Variants in ACER3 observed in about 807,000 individuals in gnomAD.
ACER3 encodes alkCDase 3.
In ACER3, 16 loss-of-function variants were observed where a neutral mutation model predicts 48.9. That is an observed-to-expected ratio of 0.33 (90% CI 0.22 to 0.50). ACER3 has a LOEUF of 0.50. Ranked by LOEUF, ACER3 falls within the 20% of genes least tolerant of loss-of-function variation. The pLI, the probability that ACER3 is intolerant of heterozygous loss-of-function variation, is 0.98. For missense variants in ACER3, 227 were observed against 326.0 expected, an observed-to-expected ratio of 0.70 and a Z score of 2.34; for synonymous variants, 109 against 107.8, an observed-to-expected ratio of 1.01 and a Z score of -0.07.
At chr11:76,986,684 A>G (rs899791614) in intron 5 of ACER3, among the ~76,000 whole-genome samples, 1 of 152,234 alleles carries the variant, frequency 6.6e-6, no homozygotes, top group African/African-American at 2.4e-5. Context: ...ATTGAAGAGC[A>G]GTGAATGAGT....
chr11:76,925,471 T>C lies in ACER3; in HGVS notation c.104-1086T>C, dbSNP rs7933417. The stretch of plus-strand genomic sequence containing the variant: ...ACCTCTGTCAAATGCCCATTGGCAT[T>C]TTTTCCCCAAAATTTTTTAATTTAT... On this transcript the variant is annotated intron_variant, in intron 1 of 10. Coordinates refer to ENST00000532485, the MANE Select transcript of ACER3 (RefSeq NM_018367.7). Among the ~76,000 whole-genome samples, 933 of 152,356 alleles carry C rather than the reference T, an allele frequency of 6.1e-3. 7 individuals are homozygous for C. Among genetic ancestry groups the C allele is most frequent in the Non-Finnish European group, 8.8e-3 (597 of 68,034 alleles).
rs1288573595 is a variant in ACER3 at position 77,023,696 on chromosome 11, C to T, written c.*3369C>T. 6.5e-6 allele frequency: 1 copy of T among 152,804 alleles called. No individual in the cohort carries two copies. The highest frequency in any genetic ancestry group is 2.4e-5 in the African/African-American group (1 of 41,466). 9.5% of individuals were successfully genotyped at this position (152,804 alleles called of 1,614,324 possible). On this transcript the variant is annotated 3_prime_UTR_variant, in exon 11 of 11. Coordinates refer to ENST00000532485, the MANE Select transcript of ACER3 (RefSeq NM_018367.7). ...CCTACCTCTGTCTTCCATTTTGCATCCTGTCAGTGCTATAATTAGTTTGAT... is the reference window on the plus strand; with the variant it reads ...CCTACCTCTGTCTTCCATTTTGCATTCTGTCAGTGCTATAATTAGTTTGAT...
chr11:76,969,788 C>A (rs1225319588), intron 3 of ACER3, among the ~76,000 whole-genome samples: 1 of 112,950 alleles, frequency 8.9e-6, no homozygotes, highest in Non-Finnish European at 1.7e-5. Context: ...GACACTGGGG[C>A]CTGTTGTGGG....
intron 3 of ACER3, among the ~76,000 whole-genome samples, chr11:76,974,643 T>A (rs1355283305): frequency 1.3e-5 from 2 of 152,068 alleles, no homozygotes; most frequent in Admixed American, 1.3e-4. Flanking sequence ...AGGAGAAGCT[T>A]AAGTAGAGGA....
intron 2 of ACER3, 44 bp from the exon 3 acceptor site, chr11:76,958,935 A>G (rs1233696841): frequency 6.2e-7 from 1 of 1,605,106 alleles, no homozygotes. Flanking sequence ...CTGTCCACGC[A>G]CAAAGAATTT....
chr11:76,864,596 ATTTTTT>A (rs772026324), intron 1 of ACER3, among the ~76,000 whole-genome samples: 1 of 99,926 alleles, frequency 1.0e-5, no homozygotes, highest in Non-Finnish European at 2.0e-5. Context: ...TGGAATGGGT[ATTTTTT>A]TTTTTTTTTT....
rs11428910 is a variant in ACER3 at position 76,936,721 on chromosome 11, C to CTT, written c.214+10067_214+10068dup. Among the ~76,000 whole-genome samples the CTT allele has an allele frequency of 2.4e-3, 346 of 143,332 alleles. 2 individuals carry two copies. Among genetic ancestry groups the CTT allele is most frequent in the African/African-American group, 5.3e-3 (207 of 39,170 alleles). 94.0% of individuals were successfully genotyped at this position (143,332 alleles called of 152,430 possible). A position where few individuals can be genotyped will look rare whatever the true frequency, so the allele number is the denominator to read the frequency against. ...CAATTTTTCTTTTCTTTCTTTCTTT[C>CTT]TTTTTTTTTTTTTTAAGACAGAGTC... On this transcript the variant is annotated intron_variant, in intron 2 of 10. Transcript: ENST00000532485.
Position 76,864,572 on chromosome 11 carries a change from CA to C in ACER3, c.103+3494del, listed in dbSNP as rs531286268. Among the ~76,000 whole-genome samples the C allele has an allele frequency of 1.4e-3, 206 of 146,642 alleles. 2 individuals are homozygous for C. Among genetic ancestry groups the C allele is most frequent in the African/African-American group, 4.9e-3 (196 of 40,402 alleles). On this transcript the variant is annotated intron_variant, in intron 1 of 10. Coordinates refer to ENST00000532485, the MANE Select transcript of ACER3 (RefSeq NM_018367.7). ...TAAAACAGTGCTTGCCTTTTTGTCACATAACTCATAATATGGAATGGGTATT... is the reference window on the plus strand; with the variant it reads ...TAAAACAGTGCTTGCCTTTTTGTCACTAACTCATAATATGGAATGGGTATT...
At position 77,022,146 on chromosome 11, in the gene ACER3, T is replaced by C. The variant is rs529030753; in HGVS notation, c.*1819T>C. On this transcript the variant is annotated 3_prime_UTR_variant, in exon 11 of 11. Coordinates refer to ENST00000532485, the MANE Select transcript of ACER3 (RefSeq NM_018367.7). ...TATTTTTATACTTTTCAGTTAGATA[T>C]ACTTCTGCATAAAGAGTATATATAC... is the stretch of plus-strand genomic sequence containing the variant. 2.0e-5 allele frequency: 3 copies of C among 152,346 alleles called. No individual in the cohort carries two copies. The highest frequency in any genetic ancestry group is 6.5e-5 in the Admixed American group (1 of 15,302). The allele number at this position is 152,346 out of a possible 1,614,324, so 9.4% of individuals were successfully genotyped here.
In ACER3 at chr11:76,991,806, ACT is replaced by A. The variant is rs535050134; in HGVS notation, c.438+1235_438+1236del. Among the ~76,000 whole-genome samples the A allele has an allele frequency of 1.9e-3, 173 of 92,574 alleles. 2 individuals are homozygous for A. In the Admixed American group the frequency reaches 0.021, roughly 11 times the overall value. 60.7% of individuals were successfully genotyped at this position (92,574 alleles called of 152,430 possible). Reference sequence around the variant, plus strand: ...ACTCTAGCCTGGGTGACAGAATGAAACTCTGTCTCAAAAAAAAAAAAAAAAAG... The same window carrying A: ...ACTCTAGCCTGGGTGACAGAATGAAACTGTCTCAAAAAAAAAAAAAAAAAG... On this transcript the variant is annotated intron_variant, in intron 6 of 10. Coordinates refer to ENST00000532485, the MANE Select transcript of ACER3 (RefSeq NM_018367.7).
chr11:76,895,975 T>C (rs1945918700), intron 1 of ACER3, among the ~76,000 whole-genome samples: 1 of 152,338 alleles, frequency 6.6e-6, no homozygotes, highest in Admixed American at 6.5e-5. Context: ...TTAGTCCCCC[T>C]GTTCTTTCCT....
intron 1 of ACER3, among the ~76,000 whole-genome samples, chr11:76,907,537 G>T (rs1049265615): frequency 6.6e-6 from 1 of 152,076 alleles, no homozygotes; most frequent in Non-Finnish European, 1.5e-5. Context: ...CTTGATTTCT[G>T]ACTGTTCAGA....
intron 3 of ACER3, among the ~76,000 whole-genome samples, chr11:76,974,006 G>A (rs1263990202): frequency 6.6e-6 from 1 of 152,136 alleles, no homozygotes; most frequent in Non-Finnish European, 1.5e-5. Flanking sequence ...AGTTGTCTTA[G>A]CACTCTTATT....
At chr11:76,868,407 G>A in intron 1 of ACER3, 1 of 536,354 alleles carries the variant, frequency 1.9e-6, no homozygotes, top group African/African-American at 2.0e-5. Context: ...GTGTGTGTGT[G>A]TGTGTGTGTG....
At chr11:76,974,284 G>T (rs965804194) in intron 3 of ACER3, among the ~76,000 whole-genome samples, 2 of 152,190 alleles carry the variant, frequency 1.3e-5, no homozygotes, top group Non-Finnish European at 2.9e-5. Context: ...TGACCAGGCT[G>T]CTGTTCTATA....
At position 77,016,761 on chromosome 11, in the gene ACER3, A is replaced by G. The variant is rs1249912960; in HGVS notation, c.686A>G (p.Tyr229Cys). Residue 229 changes from tyrosine (Y) to cysteine (C), a missense_variant, in exon 9 of 11, where the codon TAT (tyrosine) becomes TGT (cysteine). This residue lies in a region of ACER3 where 195 missense variants were observed against 290.8 expected (regional missense o/e 0.67). Transcript: ENST00000532485. Reference protein sequence around the residue: ...WWHILTGLGSYLHILFSLYTR... With the variant: ...WWHILTGLGSCLHILFSLYTR... ...CATATTTTAACTGGCCTTGGTTCCT[A>G]TCTTCACATCCTTTTCAGGTAGGAA... is the stretch of plus-strand genomic sequence containing the variant. 2.5e-6 allele frequency: 4 copies of G among 1,586,720 alleles called. No homozygotes were observed. Among genetic ancestry groups the G allele is most frequent in the Admixed American group, 3.4e-5 (2 of 58,156 alleles).
intron 1 of ACER3, among the ~76,000 whole-genome samples, chr11:76,908,915 A>G (rs1446710816): frequency 6.6e-6 from 1 of 152,208 alleles, no homozygotes; most frequent in Non-Finnish European, 1.5e-5. Context: ...ACTGGTACCA[A>G]AACAGATATA....
intron 1 of ACER3, among the ~76,000 whole-genome samples, chr11:76,922,957 A>T (rs1302728657): frequency 6.6e-6 from 1 of 152,144 alleles, no homozygotes; most frequent in African/African-American, 2.4e-5. Context: ...TACATCTATG[A>T]AACTATTCCC....
chr11:76,861,533 T>G (rs141866455), intron 1 of ACER3, among the ~76,000 whole-genome samples: 2 of 152,238 alleles, frequency 1.3e-5, no homozygotes, highest in African/African-American at 2.4e-5. Flanking sequence ...CCCCAATCCG[T>G]GAGAATTCTA....
Sources: allele counts gnomAD v4.1 joint callset (sites outside exome capture counted in the v4.1 genomes callset), GRCh38; gene constraint gnomAD v4.1.1; regional missense constraint gnomAD v4.1.1; transcripts MANE v1.5; gene names NCBI Gene and HGNC (gene_info 2026-07-23, HGNC 2026-07-21).